PCLO: variants seen among roughly 807,000 people sequenced by gnomAD.
PCLO encodes the protein protein piccolo.
PCLO carries 82 observed loss-of-function variants against 427.5 expected under a neutral mutation model. That is an observed-to-expected ratio of 0.19 (90% CI 0.16 to 0.23). PCLO has a LOEUF of 0.23. Among genes scored for constraint, PCLO ranks in the 10% least tolerant of loss-of-function variants. The probability of loss-of-function intolerance (pLI) is 1.00; values close to 1 mark genes in which losing one functional copy is unlikely to be tolerated. For synonymous variants in PCLO, 2,357 were observed against 2,155.4 expected (o/e 1.09, Z -2.59); for missense variants, 6,239 against 6,115.9 (o/e 1.02, Z -0.67).
In PCLO at chr7:82,916,553, G is replaced by A. The variant is rs763104622; in HGVS notation, c.11433C>T (p.Ala3811=). ...LEMGINRRKE[A]LLKEREKRER... ...CTCTCTTTTCTCTCTCCTTTAATAGGGCCTCTTTCCTCCTGTTAATTCCCA... is the reference window on the plus strand; with the variant it reads ...CTCTCTTTTCTCTCTCCTTTAATAGAGCCTCTTTCCTCCTGTTAATTCCCA... Residue 3811 remains alanine (A), a synonymous_variant, in exon 7 of 25, where the codon GCC becomes GCT. Transcript: ENST00000333891. The A allele has an allele frequency of 1.2e-6, 2 of 1,613,440 alleles. No individual in the cohort carries two copies. The highest frequency in any genetic ancestry group is 1.7e-6 in the Non-Finnish European group (2 of 1,179,694).
At chr7:83,031,303 C>T (rs1472194787) in intron 3 of PCLO, among the ~76,000 whole-genome samples, 2 of 152,116 alleles carry the variant, frequency 1.3e-5, no homozygotes, top group African/African-American at 2.4e-5. Flanking sequence ...AAATAGGCAA[C>T]GGTACTTTTC....
chr7:83,094,207 T>TTTTTG (rs1584014539), intron 3 of PCLO, among the ~76,000 whole-genome samples: 2 of 110,100 alleles, frequency 1.8e-5, no homozygotes, highest in Admixed American at 1.0e-4. Flanking sequence ...CTGATTTTTT[T>TTTTTG]TTCTTTTTTT....
chr7:82,908,765 G>A, intron 8 of PCLO, 112 bp downstream of exon 8: 1 of 942,696 alleles, frequency 1.1e-6, no homozygotes, highest in Non-Finnish European at 1.6e-6. Flanking sequence ...AAAATCATTT[G>A]TGAAATTAAT....
chr7:83,004,129 A>G (rs1428489894), intron 3 of PCLO, among the ~76,000 whole-genome samples: 1 of 151,782 alleles, frequency 6.6e-6, no homozygotes, highest in Non-Finnish European at 1.5e-5. Context: ...TCAAAATTCC[A>G]GTGACATTTT....
At position 83,155,565 on chromosome 7, in the gene PCLO, G is replaced by T. The variant is rs749016584; in HGVS notation, c.1076C>A (p.Thr359Lys). The T allele has an allele frequency of 2.1e-5, 34 of 1,612,122 alleles. No homozygotes were observed. Among genetic ancestry groups the T allele is most frequent in the Non-Finnish European group, 2.8e-5 (33 of 1,179,030 alleles). The stretch of plus-strand genomic sequence containing the variant: ...ACCAAGAGGCTGAGCTGGAGGCTTT[G>T]TTGTCCCTGGTGGCTGGACTGGGGG... ...VKPPVQPPGT[T>K]KPPAQPLGPA... Residue 359 changes from threonine (T) to lysine (K), a missense_variant, in exon 2 of 25, where the codon ACA (threonine) becomes AAA (lysine). Physicochemically the swap from Thr to Lys is moderately conservative, Grantham distance 78. Around this residue, in one of 5 missense-constraint regions of PCLO, gnomAD observed 4,677 missense variants for 4,468.4 expected, o/e 1.05. Coordinates refer to ENST00000333891, the MANE Select transcript of PCLO (RefSeq NM_033026.6).
At chr7:83,071,838 A>G (rs1329356533) in intron 3 of PCLO, among the ~76,000 whole-genome samples, 1 of 152,150 alleles carries the variant, frequency 6.6e-6, no homozygotes, top group East Asian at 1.9e-4. Context: ...TGATTAAAGA[A>G]AATACTCTTC....
chr7:83,138,458 C>T (rs540597070), intron 2 of PCLO, among the ~76,000 whole-genome samples: 2 of 152,016 alleles, frequency 1.3e-5, no homozygotes, highest in African/African-American at 4.8e-5. Flanking sequence ...GTCAGGAGTT[C>T]GAGACCAGCC....
chr7:82,770,774 T>C (rs1790630196), intron 22 of PCLO, among the ~76,000 whole-genome samples: 1 of 151,934 alleles, frequency 6.6e-6, no homozygotes, highest in African/African-American at 2.4e-5. Flanking sequence ...ATTAGTGCTT[T>C]TCTTTTCTGC....
At position 82,953,147 on chromosome 7, in the gene PCLO, G is replaced by T; in HGVS notation, c.7806C>A (p.Thr2602=). The T allele has an allele frequency of 6.2e-7, 1 of 1,613,920 alleles. No individual in the cohort carries two copies. Residue 2602 remains threonine (T), a synonymous_variant, in exon 5 of 25, where the codon ACC becomes ACA. Coordinates refer to ENST00000333891, the MANE Select transcript of PCLO (RefSeq NM_033026.6). ...PTDSSASQAI[T]SWPLGSPSKD... is the part of the protein sequence containing the mutation. ...TGGAGGGTGATCCCAAGGGCCAACTGGTAATTGCTTGACTAGCAGAAGAAT... is the reference window on the plus strand; with the variant it reads ...TGGAGGGTGATCCCAAGGGCCAACTTGTAATTGCTTGACTAGCAGAAGAAT...
chr7:82,924,729 A>G (rs1034985974), intron 6 of PCLO, among the ~76,000 whole-genome samples: 1 of 152,088 alleles, frequency 6.6e-6, no homozygotes, highest in African/African-American at 2.4e-5. Context: ...AAATACCAGA[A>G]TCACTAAAGG....
At chr7:82,869,145 T>C (rs747626713) in intron 10 of PCLO, among the ~76,000 whole-genome samples, 1 of 152,120 alleles carries the variant, frequency 6.6e-6, no homozygotes, top group Admixed American at 6.6e-5. Context: ...AAAGTTTAGA[T>C]TTAGTCCATG....
intron 7 of PCLO, among the ~76,000 whole-genome samples, chr7:82,912,337 A>C (rs2116247492): frequency 6.6e-6 from 1 of 151,974 alleles, no homozygotes; most frequent in East Asian, 1.9e-4. Flanking sequence ...TTTCAAACGA[A>C]AAGTACACCA....
rs1239663422 is a variant in PCLO at position 82,953,972 on chromosome 7, C to T, written c.6981G>A (p.Glu2327=). The change falls in exon 5 of 25, where the codon GAG becomes GAA. Residue 2327 remains glutamate, a synonymous_variant. Transcript: ENST00000333891. ...LEAYRDKKEL[E]AERTKSSLSE... ...ATAAGCTACTTTTTGTTCGTTCGGC[C>T]TCCAACTCCTTTTTATCTCTGTAAG... 2 of 1,613,778 alleles carry T rather than the reference C, an allele frequency of 1.2e-6. No homozygotes were observed. The highest frequency in any genetic ancestry group is 1.6e-4 in the Middle Eastern group (1 of 6,084).
intron 3 of PCLO, among the ~76,000 whole-genome samples, chr7:83,028,303 T>C (rs1336462903): frequency 1.3e-5 from 2 of 149,682 alleles, no homozygotes; most frequent in African/African-American, 4.9e-5. Context: ...AGCATTCTTA[T>C]ACACCAACAA....
chr7:82,853,134 A>T (rs1792708934), intron 10 of PCLO, among the ~76,000 whole-genome samples: 1 of 152,146 alleles, frequency 6.6e-6, no homozygotes, highest in Non-Finnish European at 1.5e-5. Context: ...TGAAGTTGAA[A>T]AGTGTTGTGT....
chr7:82,965,918 T>C lies in PCLO; in HGVS notation c.3870A>G (p.Gln1290=). 2 of 1,613,976 alleles carry C rather than the reference T, an allele frequency of 1.2e-6. No individual in the cohort carries two copies. Among genetic ancestry groups the C allele is most frequent in the Non-Finnish European group, 1.7e-6 (2 of 1,179,850 alleles). ...GTAAACCTTCCATCTTGGTCTGTGG[T>C]TGTTTCCCTTCTTGCACTGTCTTTG... The part of the protein sequence containing the change: ...VAPKTVQEGK[Q]PQTKMEGLPS... Residue 1290 remains glutamine (Q), a synonymous_variant, in exon 4 of 25, where the codon CAA becomes CAG. Coordinates refer to ENST00000333891, the MANE Select transcript of PCLO (RefSeq NM_033026.6).
chr7:83,065,167 T>C (rs1195001181), intron 3 of PCLO, among the ~76,000 whole-genome samples: 1 of 151,998 alleles, frequency 6.6e-6, no homozygotes, highest in Non-Finnish European at 1.5e-5. Context: ...TGTTGATGGC[T>C]CTCTCCTTCC....
chr7:83,106,113 A>G (rs1034508411), intron 3 of PCLO, among the ~76,000 whole-genome samples: 2 of 152,110 alleles, frequency 1.3e-5, no homozygotes, highest in Non-Finnish European at 2.9e-5. Flanking sequence ...GGCCACTACA[A>G]CTCTCCTCAC....
intron 16 of PCLO, among the ~76,000 whole-genome samples, chr7:82,834,946 C>CTTTT (rs36081669): frequency 8.1e-6 from 1 of 122,950 alleles, no homozygotes; most frequent in Non-Finnish European, 1.8e-5. Context: ...CACCTATTAT[C>CTTTT]TTTTTTTTTG....
Sources: allele counts gnomAD v4.1 joint callset (sites outside exome capture counted in the v4.1 genomes callset), GRCh38; gene constraint gnomAD v4.1.1; regional missense constraint gnomAD v4.1.1; transcripts MANE v1.5; gene names NCBI Gene and HGNC (gene_info 2026-07-23, HGNC 2026-07-21).